CEP63: variants seen among roughly 807,000 people sequenced by gnomAD.
CEP63 encodes the protein centrosomal protein 63, also known as centrosomal protein of 63 kDa.
In CEP63, 84 loss-of-function variants were observed where a neutral mutation model predicts 89.1. That is an observed-to-expected ratio of 0.94 (90% CI 0.79 to 1.13). The LOEUF is 1.13. Ranked by LOEUF, CEP63 falls within the 50% of genes most tolerant of loss-of-function variation. CEP63 has a pLI of 0.00. For missense variants in CEP63, 838 were observed against 813.3 expected, an observed-to-expected ratio of 1.03 and a Z score of -0.37; for synonymous variants, 267 against 272.5, an observed-to-expected ratio of 0.98 and a Z score of 0.20.
the CEP63 span, among the ~76,000 whole-genome samples, chr3:134,701,424 G>GTATATATGTGTATATATACA: frequency 4.7e-4 from 39 of 83,190 alleles, 1 homozygote; most frequent in African/African-American, 1.6e-3. Flanking sequence ...ATATATATAC[G>GTATATATGTGTATATATACA]TATATATGTG....
chr3:134,490,772 C>T (rs1251246432), intron 1 of CEP63, among the ~76,000 whole-genome samples: 2 of 151,948 alleles, frequency 1.3e-5, no homozygotes, highest in South Asian at 4.1e-4. Flanking sequence ...TAAAAAAACA[C>T]ATACCTAAAA....
At chr3:134,768,411 AG>A in the CEP63 span, among the ~76,000 whole-genome samples, 1 of 152,184 alleles carries the variant, frequency 6.6e-6, no homozygotes, top group African/African-American at 2.4e-5. Context: ...TCTGTTTTAA[AG>A]TTACTGGAGC....
chr3:134,561,854 AG>A lies in CEP63; in HGVS notation c.*321del. 1 of 1,089,030 alleles carries A rather than the reference AG, an allele frequency of 9.2e-7. No individual in the cohort carries two copies. Among genetic ancestry groups the A allele is most frequent in the Non-Finnish European group, 1.1e-6 (1 of 892,944 alleles). The allele number at this position is 1,089,030 out of a possible 1,614,324, so 67.5% of individuals were successfully genotyped here. ...GAATAGCTATGTACTAATTGAAATA[AG>A]GATTTTATGATACATGTTGAAAATA... On this transcript the variant is annotated 3_prime_UTR_variant, in exon 15 of 15. Coordinates refer to ENST00000675561, the MANE Select transcript of CEP63 (RefSeq NM_001353108.3).
the CEP63 span, among the ~76,000 whole-genome samples, chr3:134,740,883 C>T: frequency 3.9e-5 from 6 of 152,278 alleles, no homozygotes; most frequent in African/African-American, 9.6e-5. Context: ...GGTGTGTACA[C>T]GTAATTTAAT....
chr3:134,494,328 C>G (rs1938947849), intron 1 of CEP63, among the ~76,000 whole-genome samples: 2 of 151,444 alleles, frequency 1.3e-5, no homozygotes. Context: ...GTTGGCCAGG[C>G]TGGTCTCAAA....
chr3:134,726,622 G>A, the CEP63 span, among the ~76,000 whole-genome samples: 25 of 152,106 alleles, frequency 1.6e-4, no homozygotes, highest in African/African-American at 6.0e-4. Context: ...CAGAGCAGAA[G>A]CTTGATCTGA....
At chr3:134,620,727 GA>G in the CEP63 span, 1 of 1,579,900 alleles carries the variant, frequency 6.3e-7, no homozygotes, top group Non-Finnish European at 8.7e-7. Context: ...TCTAGAGCCA[GA>G]AATTCCACAG....
chr3:134,496,435 G>GA (rs1940017581), intron 2 of CEP63, among the ~76,000 whole-genome samples: 1 of 149,228 alleles, frequency 6.7e-6, no homozygotes, highest in Non-Finnish European at 1.5e-5. Flanking sequence ...AAAAAAAGGG[G>GA]GGGGGGGCTA....
At position 134,558,125 on chromosome 3, in the gene CEP63, G is replaced by A. The variant is rs1340474540; in HGVS notation, c.1468-17G>A. On this transcript the variant is annotated splice_polypyrimidine_tract_variant and intron_variant, in intron 12 of 14. Transcript: ENST00000675561. ...TTCTTGTACAGATTAAGTGACTCTA[G>A]TATTCTTTTTTATTAGGCAAAAGAG... 1.3e-6 allele frequency: 2 copies of A among 1,591,850 alleles called. No homozygotes were observed. Among genetic ancestry groups the A allele is most frequent in the African/African-American group, 2.7e-5 (2 of 74,462 alleles).
Position 134,550,249 on chromosome 3 carries a change from G to T in CEP63, c.1369G>T (p.Val457Leu). The change falls in exon 11 of 15, where the codon GTA becomes TTA. Residue 457 changes from valine to leucine, a missense_variant. Coordinates refer to ENST00000675561, the MANE Select transcript of CEP63 (RefSeq NM_001353108.3). ...AEMQKAEDKA[V>L]EHKEILDQLE... ...GATGCAAAAGGCAGAAGACAAAGCA[G>T]TAGAGCATAAGGTGAAGCCTGAACA... 2 of 1,614,136 alleles carry T rather than the reference G, an allele frequency of 1.2e-6. No homozygotes were observed. The highest frequency in any genetic ancestry group is 1.7e-6 in the Non-Finnish European group (2 of 1,179,978).
At chr3:134,611,312 G>T in the CEP63 span, among the ~76,000 whole-genome samples, 1 of 152,202 alleles carries the variant, frequency 6.6e-6, no homozygotes. Flanking sequence ...GACATTTGGA[G>T]CTAAAACCCT....
the CEP63 span, chr3:134,603,736 T>G: frequency 6.2e-7 from 1 of 1,612,792 alleles, no homozygotes; most frequent in African/African-American, 1.3e-5. Context: ...GTCCTGCCCC[T>G]TCACCAGGAC....
At chr3:134,710,830 C>A in the CEP63 span, among the ~76,000 whole-genome samples, 599 of 151,276 alleles carry the variant, frequency 4.0e-3, 2 homozygotes, top group African/African-American at 0.014. Flanking sequence ...CAGGTGATTG[C>A]CCTGCCTCAG....
rs1314029109 is a variant in CEP63, at chr3:134,545,783, A to G, written c.753A>G (p.Lys251=). The G allele has an allele frequency of 1.9e-5, 30 of 1,613,642 alleles. No individual in the cohort carries two copies. In the Admixed American group the frequency reaches 4.8e-4, roughly 26 times the overall value. ...CTGTCCTACAGGAGCAGCAGCAAAA[A>G]GAAGAAAAATTGAGGGAATCTGAAA... ...SMTVLQEQQQ[K]EEKLRESEKL... Residue 251 remains lysine, a synonymous_variant, in exon 7 of 15, where the codon AAA becomes AAG. Coordinates refer to ENST00000675561, the MANE Select transcript of CEP63 (RefSeq NM_001353108.3).
the CEP63 span, chr3:134,608,916 C>A: frequency 6.7e-7 from 1 of 1,491,012 alleles, no homozygotes; most frequent in Non-Finnish European, 9.0e-7. Context: ...CCGGAGTGGT[C>A]CTATGGACAC....
the CEP63 span, among the ~76,000 whole-genome samples, chr3:134,774,124 G>A: frequency 6.6e-6 from 1 of 152,148 alleles, no homozygotes; most frequent in Non-Finnish European, 1.5e-5. Flanking sequence ...AAGGAAAGGG[G>A]GTCCCATTGA....
chr3:134,619,301 G>A, the CEP63 span: 3 of 1,530,248 alleles, frequency 2.0e-6, no homozygotes, highest in Non-Finnish European at 2.7e-6. Context: ...AAGAGCTTGA[G>A]CCTGGGAGGC....
chr3:134,695,015 T>C, the CEP63 span, among the ~76,000 whole-genome samples: 1 of 152,116 alleles, frequency 6.6e-6, no homozygotes, highest in African/African-American at 2.4e-5. Flanking sequence ...TAAATAGCAA[T>C]TGTGAAGCAG....
the CEP63 span, among the ~76,000 whole-genome samples, chr3:134,765,136 C>T: frequency 5.3e-5 from 8 of 152,034 alleles, no homozygotes; most frequent in East Asian, 1.9e-4. Flanking sequence ...CAGATGATGT[C>T]GATGTTGCTG....
Sources: allele counts gnomAD v4.1 joint callset (sites outside exome capture counted in the v4.1 genomes callset), GRCh38; gene constraint gnomAD v4.1.1; transcripts MANE v1.5; gene names NCBI Gene and HGNC (gene_info 2026-07-23, HGNC 2026-07-21).